The following ERCC6 variants were observed in gnomAD, a reference collection of about 807,000 sequenced individuals.
The protein encoded by ERCC6 is DNA excision repair protein ERCC-6.
A neutral mutation model predicts 158.7 loss-of-function variants in ERCC6; 116 were observed. The ratio of observed to expected loss-of-function variants is 0.73; its 90% CI spans 0.63 to 0.85. ERCC6 has a LOEUF of 0.85. ERCC6 is among the 40% of genes least tolerant of loss of function. The pLI is 0.00. For missense variants in ERCC6, 1,698 were observed against 1,799.4 expected, an observed-to-expected ratio of 0.94 and a Z score of 1.02; for synonymous variants, 678 against 659.3, an observed-to-expected ratio of 1.03 and a Z score of -0.43.
rs186389164 is a variant in ERCC6 at position 49,454,842 on chromosome 10, T to G, written c.*3973A>C. 6.6e-6 allele frequency among the ~76,000 whole-genome samples: 1 copy of G among 152,282 alleles called. No individual in the cohort carries two copies. The highest frequency in any genetic ancestry group is 2.4e-5 in the African/African-American group (1 of 41,568). ...GGGTTACTAAGCAAAGTTAGATAAA[T>G]GGACCAATTTAACAGAATGCAGAGC... On this transcript the variant is annotated 3_prime_UTR_variant, in exon 21 of 21. Transcript: ENST00000355832.
intron 18 of ERCC6, among the ~76,000 whole-genome samples, chr10:49,469,910 G>C (rs569287064): frequency 6.6e-6 from 1 of 152,174 alleles, no homozygotes; most frequent in Non-Finnish European, 1.5e-5. Context: ...CTAATGTTCA[G>C]GTAGTACACA....
At chr10:49,530,632 T>C in intron 3 of ERCC6, 88 bp downstream of exon 3, 1 of 1,571,538 alleles carries the variant, frequency 6.4e-7, no homozygotes, top group Non-Finnish European at 8.6e-7. Flanking sequence ...TCACATCTTA[T>C]AAGCACTTTT....
chr10:49,515,692 C>T lies in ERCC6; in HGVS notation c.1397+8341G>A, dbSNP rs1401936518. On this transcript the variant is annotated intron_variant, in intron 5 of 20. Coordinates refer to ENST00000355832, the MANE Select transcript of ERCC6 (RefSeq NM_000124.4). ...TACCATTTCTTTCCACGGATTGATG[C>T]CCGATACTTATCAATGTTTTCATCA... 1 of 1,614,126 alleles carries T rather than the reference C, an allele frequency of 6.2e-7. No homozygotes were observed. Among genetic ancestry groups the T allele is most frequent in the Admixed American group, 1.7e-5 (1 of 60,022 alleles).
At chr10:49,482,360 T>C (rs890444124) in intron 10 of ERCC6, among the ~76,000 whole-genome samples, 11 of 152,208 alleles carry the variant, frequency 7.2e-5, no homozygotes, top group Non-Finnish European at 1.5e-4. Flanking sequence ...CCTTGTTTCA[T>C]AATTTCTAAC....
downstream of ERCC6, among the ~76,000 whole-genome samples, chr10:49,449,941 T>C (rs1424627857): frequency 1.3e-5 from 2 of 152,126 alleles, no homozygotes; most frequent in Non-Finnish European, 2.9e-5. Flanking sequence ...GGCATGCTCA[T>C]GGATCACTAC....
At chr10:49,521,730 G>GGAAT (rs1837169032) in intron 5 of ERCC6, among the ~76,000 whole-genome samples, 1 of 152,148 alleles carries the variant, frequency 6.6e-6, no homozygotes, top group Non-Finnish European at 1.5e-5. Context: ...ATGAGAAGGG[G>GGAAT]GAATACACGG....
chr10:49,447,599 G>A, the ERCC6 span, among the ~76,000 whole-genome samples: 1 of 152,050 alleles, frequency 6.6e-6, no homozygotes, highest in Non-Finnish European at 1.5e-5. Context: ...GCTGAGGCAG[G>A]AGGCCGAGGC....
At chr10:49,532,403 C>A in intron 2 of ERCC6, 140 bp downstream of exon 2, 1 of 1,328,558 alleles carries the variant, frequency 7.5e-7, no homozygotes, top group Non-Finnish European at 1.0e-6. Context: ...AGGTTGAGGA[C>A]TGCCCTTATT....
chr10:49,524,761 A>C lies in ERCC6; in HGVS notation c.669T>G (p.Ser223Arg), dbSNP rs1837271315. 22 of 1,602,726 alleles carry C rather than the reference A, an allele frequency of 1.4e-5. No individual in the cohort carries two copies. The highest frequency in any genetic ancestry group is 1.8e-5 in the Non-Finnish European group (21 of 1,179,962). Residue 223 changes from serine to arginine, a missense_variant, in exon 5 of 21, where the codon AGT (serine) becomes AGG (arginine). Ser to Arg is a moderately radical substitution (Grantham distance 110). Coordinates refer to ENST00000355832, the MANE Select transcript of ERCC6 (RefSeq NM_000124.4). ...LEEDAEPGPS[S>R]LGSMLMPVQE... is the part of the protein sequence containing the mutation. ...GGACAGGCATGAGCATGCTGCCAAG[A>C]CTGGATGGCCCCGGCTCTGAAAGAA... is the stretch of plus-strand genomic sequence containing the variant.
At chr10:49,451,531 T>C (rs1429183575), downstream of ERCC6, among the ~76,000 whole-genome samples, 2 of 152,210 alleles carry the variant, frequency 1.3e-5, no homozygotes, top group Non-Finnish European at 2.9e-5. Flanking sequence ...TTTGCATCAG[T>C]AGAGATGACT....
At chr10:49,485,134 C>G (rs1041291211) in intron 8 of ERCC6, among the ~76,000 whole-genome samples, 2 of 152,190 alleles carry the variant, frequency 1.3e-5, no homozygotes, top group Non-Finnish European at 2.9e-5. Flanking sequence ...GGAAAGACAG[C>G]AATGCTCCTG....
At chr10:49,490,271 C>A (rs17775180) in intron 8 of ERCC6, among the ~76,000 whole-genome samples, 29,631 of 151,518 alleles carry the variant, frequency 0.2, 3,303 homozygotes, top group South Asian at 0.35. Flanking sequence ...AGGTGGGAAG[C>A]TAAAGGGCAA....
At position 49,532,891 on chromosome 10, in the gene ERCC6, T is replaced by C. The variant is rs1264455535; in HGVS notation, c.74A>G (p.Asn25Ser). The change falls in exon 2 of 21, where the codon AAT (asparagine) becomes AGT (serine). Residue 25 changes from asparagine (N) to serine (S), a missense_variant. Transcript: ENST00000355832. The part of the protein sequence containing the change: ...QDCLQSQPVS[N>S]NEEMAIKQES... ...TTGCTTGATTGCCATTTCTTCATTA[T>C]TACTGACAGGTTGACTCTGTAAACA... The C allele has an allele frequency of 1.9e-6, 3 of 1,614,244 alleles. No homozygotes were observed. The highest frequency in any genetic ancestry group is 2.5e-6 in the Non-Finnish European group (3 of 1,180,036).
intron 5 of ERCC6, among the ~76,000 whole-genome samples, chr10:49,518,426 T>C (rs1287069922): frequency 6.6e-6 from 1 of 152,234 alleles, no homozygotes; most frequent in African/African-American, 2.4e-5. Flanking sequence ...TTCATCTCTC[T>C]GGGCTCAAAG....
intron 16 of ERCC6, among the ~76,000 whole-genome samples, chr10:49,471,919 A>G (rs534807683): frequency 6.6e-6 from 1 of 152,330 alleles, no homozygotes; most frequent in Non-Finnish European, 1.5e-5. Context: ...GGAAAGACAG[A>G]GGACGAAACA....
Position 49,458,649 on chromosome 10 carries a change from G to A in ERCC6, c.*166C>T, listed in dbSNP as rs1850522292. ...GCATTATTAAAACTTTTAACTTTCA[G>A]AGAAGAGTTTCTTCTTCCTTAAAGT... is the stretch of plus-strand genomic sequence containing the variant. On this transcript the variant is annotated 3_prime_UTR_variant, in exon 21 of 21. Transcript: ENST00000355832. The A allele has an allele frequency of 1.5e-6, 1 of 685,696 alleles. No individual in the cohort carries two copies. The allele number at this position is 685,696 out of a possible 1,614,324, so 42.5% of individuals were successfully genotyped here.
intron 7 of ERCC6, among the ~76,000 whole-genome samples, chr10:49,500,098 T>A (rs1851331993): frequency 6.6e-6 from 1 of 152,232 alleles, no homozygotes; most frequent in African/African-American, 2.4e-5. Context: ...GACTTTGTAC[T>A]TACTGTAATG....
At chr10:49,463,225 T>A (rs1043560570) in intron 18 of ERCC6, among the ~76,000 whole-genome samples, 1 of 152,210 alleles carries the variant, frequency 6.6e-6, no homozygotes, top group Non-Finnish European at 1.5e-5. Context: ...AGCCTGAAGG[T>A]AATTTTAATA....
At chr10:49,476,092 C>T (rs1850871593) in intron 12 of ERCC6, 123 bp downstream of exon 12, 3 of 753,294 alleles carry the variant, frequency 4.0e-6, no homozygotes, top group Admixed American at 2.0e-5. Context: ...TGCGGGACTT[C>T]ATGCAAGTGA....
Sources: allele counts gnomAD v4.1 joint callset (sites outside exome capture counted in the v4.1 genomes callset), GRCh38; gene constraint gnomAD v4.1.1; transcripts MANE v1.5; gene names NCBI Gene and HGNC (gene_info 2026-07-23, HGNC 2026-07-21).